The following MAP3K1 variants were observed in gnomAD, a reference collection of about 807,000 sequenced individuals.
MAP3K1 encodes MAP/ERK kinase kinase 1.
MAP3K1 carries 36 observed loss-of-function variants against 144.2 expected under a neutral mutation model. The observed-to-expected ratio is 0.25, with a 90% CI of 0.19 to 0.33. The LOEUF is 0.33. MAP3K1 is among the 10% of genes least tolerant of loss of function. The pLI, the probability that MAP3K1 is intolerant of heterozygous loss-of-function variation, is 1.00. For missense variants in MAP3K1, 1,650 were observed against 1,881.9 expected (o/e 0.88, Z 2.28); for synonymous variants, 718 against 688.7 (o/e 1.04, Z -0.67).
Position 56,860,049 on chromosome 5 carries a change from G to A in MAP3K1, c.834+134G>A, listed in dbSNP as rs1053891771. ...ATCTGCAGACCCCTGAGGATGGGGG[G>A]GGTGGTTCCTGAGACCCTTTCTGGG... On this transcript the variant is annotated intron_variant, in intron 3 of 19. Transcript: ENST00000399503. 93 of 820,640 alleles carry A rather than the reference G, an allele frequency of 1.1e-4. 1 individual carries two copies. Among genetic ancestry groups the A allele is most frequent in the Non-Finnish European group, 1.7e-4 (83 of 494,544 alleles). The allele number at this position is 820,640 out of a possible 1,614,324, so 50.8% of individuals were successfully genotyped here.
Position 56,856,701 on chromosome 5 carries a change from C to T in MAP3K1, c.584C>T (p.Pro195Leu), listed in dbSNP as rs1461502636. Residue 195 changes from proline to leucine, a missense_variant, in exon 2 of 20, where the codon CCA (proline) becomes CTA (leucine). By Grantham distance (98) the Pro-to-Leu change is moderately conservative. Transcript: ENST00000399503. ...IREKLKATCM[P>L]AWKHEWLERR... ...GAGAAACTGAAGGCAACCTGTATGC[C>T]AGCCTGGAAGCACGAATGGTTGGAA... 6.2e-7 allele frequency: 1 copy of T among 1,614,010 alleles called. No individual in the cohort carries two copies. The highest frequency in any genetic ancestry group is 8.5e-7 in the Non-Finnish European group (1 of 1,179,924).
intron 1 of MAP3K1, among the ~76,000 whole-genome samples, chr5:56,841,609 T>G (rs1746818129): frequency 6.6e-6 from 1 of 152,236 alleles, no homozygotes; most frequent in Non-Finnish European, 1.5e-5. Flanking sequence ...ATTTAACGAT[T>G]AAAAGGAATT....
intron 2 of MAP3K1, among the ~76,000 whole-genome samples, chr5:56,858,585 G>A (rs1747408893): frequency 6.6e-6 from 1 of 152,158 alleles, no homozygotes; most frequent in Non-Finnish European, 1.5e-5. Flanking sequence ...TAAGTAAGTT[G>A]TGTCAAATCA....
At chr5:56,816,084 G>A (rs1581199524) in intron 1 of MAP3K1, 29 bp downstream of exon 1, 2 of 1,206,746 alleles carry the variant, frequency 1.7e-6, no homozygotes, top group Non-Finnish European at 1.0e-6. Flanking sequence ...GTCGCGGCGG[G>A]GACTTGGAGA....
Position 56,888,254 on chromosome 5 carries a change from G to A in MAP3K1, c.4286G>A (p.Ser1429Asn). ...EVLRGQQYGRSCDVWSVGCAI... is the reference protein window; with the variant it reads ...EVLRGQQYGRNCDVWSVGCAI... ...CTAAGAGGTCAACAGTATGGAAGGA[G>A]CTGTGATGTATGGAGTGTTGGCTGT... is the stretch of plus-strand genomic sequence containing the variant. The change falls in exon 19 of 20, where the codon AGC (serine) becomes AAC (asparagine). Residue 1429 changes from serine to asparagine, a missense_variant. Transcript: ENST00000399503. The A allele has an allele frequency of 6.2e-7, 1 of 1,613,824 alleles. No homozygotes were observed. The highest frequency in any genetic ancestry group is 2.2e-5 in the East Asian group (1 of 44,868).
At chr5:56,860,357 G>A (rs1306182622) in intron 3 of MAP3K1, among the ~76,000 whole-genome samples, 5 of 152,208 alleles carry the variant, frequency 3.3e-5, no homozygotes, top group Admixed American at 6.5e-5. Context: ...GAAATGGGAT[G>A]CATGCATAAA....
intron 3 of MAP3K1, among the ~76,000 whole-genome samples, chr5:56,862,432 A>G (rs370410895): frequency 6.6e-5 from 10 of 152,298 alleles, no homozygotes; most frequent in African/African-American, 2.2e-4. Flanking sequence ...GGGGCCATCA[A>G]AATGAAAGTT....
intron 1 of MAP3K1, among the ~76,000 whole-genome samples, chr5:56,848,333 T>C (rs994600549): frequency 2.0e-5 from 3 of 152,202 alleles, no homozygotes; most frequent in Admixed American, 2.0e-4. Context: ...TAGTTTATGG[T>C]AGAAGTTGTT....
intron 1 of MAP3K1, among the ~76,000 whole-genome samples, chr5:56,854,026 C>G (rs1238755761): frequency 1.3e-5 from 2 of 152,152 alleles, no homozygotes; most frequent in African/African-American, 4.8e-5. Flanking sequence ...TTAAGAGCAG[C>G]TTGACCTGGA....
At chr5:56,875,773 A>G (rs1748006511) in intron 10 of MAP3K1, among the ~76,000 whole-genome samples, 1 of 152,200 alleles carries the variant, frequency 6.6e-6, no homozygotes, top group African/African-American at 2.4e-5. Context: ...GATTTTTTTA[A>G]TGTCTTGCTG....
chr5:56,857,882 T>C (rs1193588797), intron 2 of MAP3K1, among the ~76,000 whole-genome samples: 1 of 152,184 alleles, frequency 6.6e-6, no homozygotes, highest in Non-Finnish European at 1.5e-5. Flanking sequence ...TTCTAACCGA[T>C]GGAATTATAC....
intron 2 of MAP3K1, among the ~76,000 whole-genome samples, chr5:56,858,343 T>C (rs1747401355): frequency 6.6e-6 from 1 of 152,210 alleles, no homozygotes; most frequent in South Asian, 2.1e-4. Context: ...TATCCAGTTC[T>C]CTAAAACAAA....
At chr5:56,816,135 G>A (rs147426142) in intron 1 of MAP3K1, 80 bp downstream of exon 1, 37 of 1,146,028 alleles carry the variant, frequency 3.2e-5, no homozygotes, top group Non-Finnish European at 4.0e-5. Flanking sequence ...CACCATGCAC[G>A]GCGTCCCGGG....
chr5:56,824,384 G>C (rs1462367664), intron 1 of MAP3K1, among the ~76,000 whole-genome samples: 1 of 152,246 alleles, frequency 6.6e-6, no homozygotes, highest in Non-Finnish European at 1.5e-5. Context: ...TGTTCATGCA[G>C]TGTTGTTCAT....
At chr5:56,845,935 T>TCTTG (rs1554032132) in intron 1 of MAP3K1, among the ~76,000 whole-genome samples, 2 of 152,224 alleles carry the variant, frequency 1.3e-5, no homozygotes, top group Non-Finnish European at 2.9e-5. Context: ...TGATGGATGT[T>TCTTG]CTGAGTTTCT....
At chr5:56,825,702 C>A (rs1250930206) in intron 1 of MAP3K1, among the ~76,000 whole-genome samples, 1 of 152,220 alleles carries the variant, frequency 6.6e-6, no homozygotes, top group Non-Finnish European at 1.5e-5. Context: ...TCCAATCAGT[C>A]ACCAGTTCTT....
At position 56,823,055 on chromosome 5, in the gene MAP3K1, G is replaced by C. The variant is rs978232159; in HGVS notation, c.482+7000G>C. ...CGTTCCAATCTGTATTAGGTGGCCA[G>C]AGTGATCATTTCCAAATGTAAATCT... On this transcript the variant is annotated intron_variant, in intron 1 of 19. Coordinates refer to ENST00000399503, the MANE Select transcript of MAP3K1 (RefSeq NM_005921.2). Among the ~76,000 whole-genome samples, 10 of 152,312 alleles carry C rather than the reference G, an allele frequency of 6.6e-5. No individual in the cohort carries two copies. The East Asian group carries it at 1.9e-3, about 29-fold the overall frequency.
intron 1 of MAP3K1, among the ~76,000 whole-genome samples, chr5:56,836,968 A>C (rs1746673129): frequency 6.6e-6 from 1 of 152,164 alleles, no homozygotes. Flanking sequence ...CTTGGAATAA[A>C]ATTGACACTC....
chr5:56,830,538 C>T (rs1746454378), intron 1 of MAP3K1, among the ~76,000 whole-genome samples: 1 of 152,136 alleles, frequency 6.6e-6, no homozygotes, highest in Non-Finnish European at 1.5e-5. Context: ...ACACTGGGTT[C>T]TGTGCTATAG....
Sources: gnomAD v4.1 joint callset for allele counts (sites outside exome capture counted in the v4.1 genomes callset) on GRCh38, gnomAD v4.1.1 for gene constraint, MANE v1.5 for transcripts, NCBI Gene and HGNC (gene_info 2026-07-23, HGNC 2026-07-21) for gene names.